Variants in XRCC4 observed in about 807,000 individuals in gnomAD.
XRCC4 encodes X-ray repair cross complementing 4, also known as DNA repair protein XRCC4.
XRCC4 carries 28 observed loss-of-function variants against 39.1 expected under a neutral mutation model. That is an observed-to-expected ratio of 0.72 (90% CI 0.53 to 0.98). The LOEUF (loss-of-function observed/expected upper bound fraction) is 0.98. Among genes scored for constraint, XRCC4 ranks in the 50% least tolerant of loss-of-function variants. XRCC4 has a pLI of 0.00. For missense variants in XRCC4, 350 were observed against 376.4 expected (o/e 0.93, Z 0.58); for synonymous variants, 123 against 126.4 (o/e 0.97, Z 0.18).
intron 6 of XRCC4, among the ~76,000 whole-genome samples, chr5:83,213,268 A>G (rs941590136): frequency 6.6e-6 from 1 of 152,144 alleles, no homozygotes; most frequent in Admixed American, 6.5e-5. Context: ...AGGAAACAAC[A>G]TGAAATGATA....
chr5:83,311,058 G>A (rs889178865), intron 7 of XRCC4: 6 of 253,946 alleles, frequency 2.4e-5, no homozygotes, highest in Non-Finnish European at 4.0e-5. Context: ...AATTTTTATT[G>A]TATTAAGCCA....
intron 7 of XRCC4, among the ~76,000 whole-genome samples, chr5:83,293,897 T>C (rs947380876): frequency 6.6e-6 from 1 of 152,088 alleles, no homozygotes; most frequent in African/African-American, 2.4e-5. Flanking sequence ...AAATTAAAAC[T>C]ATAAAAATAA....
At chr5:83,370,783 G>A in the XRCC4 span, among the ~76,000 whole-genome samples, 5 of 151,984 alleles carry the variant, frequency 3.3e-5, no homozygotes, top group African/African-American at 9.7e-5. Flanking sequence ...CTGTAATAGC[G>A]AATTCTCTCT....
intron 7 of XRCC4, among the ~76,000 whole-genome samples, chr5:83,308,142 C>T (rs182439285): frequency 6.6e-6 from 1 of 152,238 alleles, no homozygotes; most frequent in Admixed American, 6.5e-5. Context: ...TACTGTTTTG[C>T]TTGTTAGAAG....
chr5:83,283,632 TTTGGAA>T (rs1754629103), intron 7 of XRCC4, among the ~76,000 whole-genome samples: 1 of 152,218 alleles, frequency 6.6e-6, no homozygotes, highest in Non-Finnish European at 1.5e-5. Context: ...AAATTTATAA[TTTGGAA>T]TTGAACTAAA....
intron 7 of XRCC4, among the ~76,000 whole-genome samples, chr5:83,349,815 G>A (rs1299217555): frequency 6.6e-6 from 1 of 152,076 alleles, no homozygotes; most frequent in East Asian, 1.9e-4. Flanking sequence ...GTTTGTTACA[G>A]GGGTGTATTG....
rs1749650696 is a variant in XRCC4, at chr5:83,170,006, T to C, written c.316-25764T>C. On this transcript the variant is annotated intron_variant, in intron 3 of 7. Coordinates refer to ENST00000396027, the MANE Select transcript of XRCC4 (RefSeq NM_003401.5). ...TGTTAATCTTTTGCCATATGTGATT[T>C]TTTAGTTTTAGTAGAAACTTAGCCA... is the stretch of plus-strand genomic sequence containing the variant. Among the ~76,000 whole-genome samples the C allele has an allele frequency of 2.0e-5, 3 of 152,220 alleles. No individual in the cohort carries two copies. In the South Asian group the frequency reaches 6.2e-4, roughly 31 times the overall value.
At position 83,238,228 on chromosome 5, in the gene XRCC4, C is replaced by T. The variant is rs935837146; in HGVS notation, c.746-20302C>T. On this transcript the variant is annotated intron_variant, in intron 6 of 7. Coordinates refer to ENST00000396027, the MANE Select transcript of XRCC4 (RefSeq NM_003401.5). ...ATCAAAGGGAAACTTATGATGGTTT[C>T]GAAGTCCTCTGGTCTGAGCTAGAAC... Among the ~76,000 whole-genome samples the T allele has an allele frequency of 4.6e-5, 7 of 152,088 alleles. No homozygotes were observed. In the South Asian group the frequency reaches 1.0e-3, roughly 22 times the overall value.
At chr5:83,111,775 A>G (rs916123455) in intron 3 of XRCC4, among the ~76,000 whole-genome samples, 4 of 152,134 alleles carry the variant, frequency 2.6e-5, no homozygotes, top group Non-Finnish European at 5.9e-5. Context: ...ACCAATTCAG[A>G]TCAAGGCAGG....
chr5:83,273,425 A>G (rs1389562237), intron 7 of XRCC4, among the ~76,000 whole-genome samples: 1 of 152,172 alleles, frequency 6.6e-6, no homozygotes, highest in Admixed American at 6.5e-5. Flanking sequence ...CTTTAGTTTA[A>G]TTAGATCCCA....
intron 6 of XRCC4, among the ~76,000 whole-genome samples, chr5:83,206,912 G>T (rs1484835778): frequency 6.6e-6 from 1 of 152,088 alleles, no homozygotes; most frequent in Non-Finnish European, 1.5e-5. Context: ...GTATCTAACT[G>T]CAGTCACAGA....
chr5:83,186,033 A>C (rs183094740), intron 3 of XRCC4, among the ~76,000 whole-genome samples: 1 of 152,172 alleles, frequency 6.6e-6, no homozygotes, highest in Non-Finnish European at 1.5e-5. Context: ...AACTCTTACT[A>C]TGAGCATAGA....
intron 1 of XRCC4, among the ~76,000 whole-genome samples, chr5:83,104,621 A>G (rs1174567878): frequency 6.6e-6 from 1 of 152,096 alleles, no homozygotes; most frequent in Non-Finnish European, 1.5e-5. Flanking sequence ...CCCAGCTGAG[A>G]TGATAATTTT....
At chr5:83,149,125 T>C (rs1269422650) in intron 3 of XRCC4, among the ~76,000 whole-genome samples, 1 of 152,172 alleles carries the variant, frequency 6.6e-6, no homozygotes, top group Non-Finnish European at 1.5e-5. Flanking sequence ...CTATATTGAT[T>C]TATATTTTCA....
At chr5:83,216,292 A>G (rs1022465604) in intron 6 of XRCC4, among the ~76,000 whole-genome samples, 2 of 152,226 alleles carry the variant, frequency 1.3e-5, no homozygotes, top group East Asian at 1.9e-4. Context: ...CTGAATGGAT[A>G]TAATCTAAAA....
intron 3 of XRCC4, among the ~76,000 whole-genome samples, chr5:83,163,879 C>T (rs985573286): frequency 1.3e-5 from 2 of 152,092 alleles, no homozygotes; most frequent in Admixed American, 6.6e-5. Flanking sequence ...CAAATTGTAT[C>T]AGAAACATGT....
intron 7 of XRCC4, among the ~76,000 whole-genome samples, chr5:83,341,531 G>A (rs1756759218): frequency 6.6e-6 from 1 of 152,072 alleles, no homozygotes; most frequent in Non-Finnish European, 1.5e-5. Context: ...GAACATTTGG[G>A]ACCATAGATT....
intron 7 of XRCC4, among the ~76,000 whole-genome samples, chr5:83,276,588 A>G (rs1178111293): frequency 6.6e-6 from 1 of 152,176 alleles, no homozygotes; most frequent in African/African-American, 2.4e-5. Flanking sequence ...TCAGGATTCT[A>G]CAGAGGCTTC....
At chr5:83,091,309 G>A (rs751629484) in intron 1 of XRCC4, among the ~76,000 whole-genome samples, 1 of 152,164 alleles carries the variant, frequency 6.6e-6, no homozygotes, top group Non-Finnish European at 1.5e-5. Flanking sequence ...TTACATGGTG[G>A]CAGGTGAGAG....
Sources: gnomAD v4.1 joint callset for allele counts (sites outside exome capture counted in the v4.1 genomes callset) on GRCh38, gnomAD v4.1.1 for gene constraint, MANE v1.5 for transcripts, NCBI Gene and HGNC (gene_info 2026-07-23, HGNC 2026-07-21) for gene names.